TMEM123: variants seen among roughly 807,000 people sequenced by gnomAD.
TMEM123 encodes the protein porimin.
TMEM123 carries 16 observed loss-of-function variants against 19.7 expected under a neutral mutation model. That is an observed-to-expected ratio of 0.81 (90% confidence interval 0.55 to 1.23). The LOEUF is 1.23. Among genes scored for constraint, TMEM123 ranks in the 50% most tolerant of loss-of-function variants. The probability of loss-of-function intolerance (pLI) is 0.00; values close to 1 mark genes in which losing one functional copy is unlikely to be tolerated. For synonymous variants in TMEM123, 118 were observed against 99.4 expected (o/e 1.19, Z -1.12); for missense variants, 313 against 257.8 (o/e 1.21, Z -1.47).
rs1166142740 is a variant in TMEM123, at chr11:102,398,587, C to A, written c.*280G>T. On this transcript the variant is annotated 3_prime_UTR_variant, in exon 5 of 5. Coordinates refer to ENST00000398136, the MANE Select transcript of TMEM123 (RefSeq NM_052932.3). ...ACTGGTCATATGTGACCAATGCCCC[C>A]ACCCCAGCCAAAAAAAAAAAGATAG... 7 of 506,876 alleles carry A rather than the reference C, an allele frequency of 1.4e-5. No homozygotes were observed. The highest frequency in any genetic ancestry group is 4.1e-5 in the African/African-American group (2 of 49,278). The allele number at this position is 506,876 out of a possible 1,614,324, so 31.4% of individuals were successfully genotyped here.
chr11:102,443,764 A>C (rs1477209527), intron 2 of TMEM123, among the ~76,000 whole-genome samples: 1 of 152,218 alleles, frequency 6.6e-6, no homozygotes, highest in Non-Finnish European at 1.5e-5. Flanking sequence ...CAAGCAACCT[A>C]CAGAATGGGA....
intron 2 of TMEM123, among the ~76,000 whole-genome samples, chr11:102,417,064 C>G (rs914654207): frequency 2.0e-5 from 3 of 152,148 alleles, no homozygotes; most frequent in African/African-American, 7.2e-5. Flanking sequence ...TGGAAGCACT[C>G]CCTTTGAGAA....
Position 102,438,272 on chromosome 11 carries a change from G to A in TMEM123, c.157+10540C>T, listed in dbSNP as rs191455885. 1.9e-3 allele frequency among the ~76,000 whole-genome samples: 291 copies of A among 152,154 alleles called. 3 individuals carry two copies. Among genetic ancestry groups the A allele is most frequent in the Non-Finnish European group, 1.3e-3 (86 of 67,982 alleles). On this transcript the variant is annotated intron_variant, in intron 2 of 4. Coordinates refer to ENST00000398136, the MANE Select transcript of TMEM123 (RefSeq NM_052932.3). ...TTCACCATGTTGGCCAGGTGGTCTCGCATTCCTGACCTCAAGTGATCTGCT... is the reference window on the plus strand; with the variant it reads ...TTCACCATGTTGGCCAGGTGGTCTCACATTCCTGACCTCAAGTGATCTGCT...
intron 4 of TMEM123, among the ~76,000 whole-genome samples, chr11:102,400,533 A>T (rs996533908): frequency 6.6e-6 from 1 of 152,222 alleles, no homozygotes; most frequent in African/African-American, 2.4e-5. Context: ...CATCTGTTCT[A>T]TGGTATTTAT....
chr11:102,404,825 C>G (rs1951941737), intron 2 of TMEM123, among the ~76,000 whole-genome samples: 1 of 152,018 alleles, frequency 6.6e-6, no homozygotes, highest in Non-Finnish European at 1.5e-5. Context: ...GTCTTGAACT[C>G]CTGACCTCAG....
At chr11:102,399,736 A>G (rs898714422) in intron 4 of TMEM123, among the ~76,000 whole-genome samples, 6 of 152,124 alleles carry the variant, frequency 3.9e-5, no homozygotes, top group Non-Finnish European at 7.4e-5. Flanking sequence ...TTGGGAGGCC[A>G]AGGTGGGAGG....
At chr11:102,425,561 TG>T (rs1359105401) in intron 2 of TMEM123, among the ~76,000 whole-genome samples, 9 of 150,468 alleles carry the variant, frequency 6.0e-5, no homozygotes, top group African/African-American at 2.0e-4. Context: ...CCTCCAGGAT[TG>T]TTTTTTTTTT....
At chr11:102,413,092 T>A (rs975736891) in intron 2 of TMEM123, among the ~76,000 whole-genome samples, 5 of 152,164 alleles carry the variant, frequency 3.3e-5, no homozygotes, top group Admixed American at 3.3e-4. Context: ...AATGCATATA[T>A]TGGAAAGAAA....
intron 2 of TMEM123, chr11:102,448,333 ATCACAGGGTAAGGGCC>A: frequency 2.2e-6 from 1 of 455,272 alleles, no homozygotes; most frequent in Non-Finnish European, 4.4e-6. Flanking sequence ...CCAAACTAAA[ATCACAGGGTAAGGGCC>A]TCACCAAGTG....
At chr11:102,450,520 T>C (rs1044821607) in intron 1 of TMEM123, among the ~76,000 whole-genome samples, 2 of 152,224 alleles carry the variant, frequency 1.3e-5, no homozygotes, top group Non-Finnish European at 2.9e-5. Context: ...TGCAGCTGAC[T>C]GTGAAGAATA....
intron 2 of TMEM123, among the ~76,000 whole-genome samples, chr11:102,415,749 C>A (rs1296154627): frequency 2.6e-5 from 4 of 152,116 alleles, no homozygotes; most frequent in African/African-American, 9.7e-5. Context: ...AACAACCTAA[C>A]TTTACACCTA....
intron 2 of TMEM123, among the ~76,000 whole-genome samples, chr11:102,421,767 G>A (rs1367135663): frequency 1.3e-5 from 2 of 152,176 alleles, no homozygotes; most frequent in Non-Finnish European, 2.9e-5. Context: ...TCTGGGGAAG[G>A]AGGAAGCAAA....
intron 2 of TMEM123, among the ~76,000 whole-genome samples, chr11:102,434,723 A>C (rs181120789): frequency 2.6e-5 from 4 of 151,956 alleles, no homozygotes; most frequent in Admixed American, 2.6e-4. Flanking sequence ...ATTCATGTTA[A>C]ATCTTTAACT....
intron 1 of TMEM123, among the ~76,000 whole-genome samples, chr11:102,450,475 T>C (rs776402929): frequency 6.6e-6 from 1 of 152,142 alleles, no homozygotes; most frequent in Non-Finnish European, 1.5e-5. Context: ...TTGCTCATAG[T>C]CTCCCTCCTC....
intron 2 of TMEM123, among the ~76,000 whole-genome samples, chr11:102,423,460 T>C (rs940182178): frequency 2.0e-5 from 3 of 152,178 alleles, no homozygotes; most frequent in Non-Finnish European, 4.4e-5. Context: ...GGCAGCCCTA[T>C]GGGGAACCTC....
At chr11:102,419,913 T>C (rs1466448973) in intron 2 of TMEM123, among the ~76,000 whole-genome samples, 2 of 152,262 alleles carry the variant, frequency 1.3e-5, no homozygotes, top group East Asian at 3.8e-4. Flanking sequence ...CTCCCTTGTT[T>C]TAAGCCTTGA....
At chr11:102,428,781 A>G (rs1210673860) in intron 2 of TMEM123, among the ~76,000 whole-genome samples, 4 of 152,176 alleles carry the variant, frequency 2.6e-5, no homozygotes, top group Admixed American at 2.6e-4. Context: ...TTTTTGCTGC[A>G]GCTCATCAAG....
chr11:102,407,494 T>C (rs927094872), intron 2 of TMEM123, among the ~76,000 whole-genome samples: 2 of 152,194 alleles, frequency 1.3e-5, no homozygotes, highest in Admixed American at 1.3e-4. Context: ...AATTCATACT[T>C]TGAAGTCCTA....
rs1297358960 is a variant in TMEM123 at position 102,396,386 on chromosome 11, C to T, written c.*2481G>A. On this transcript the variant is annotated 3_prime_UTR_variant, in exon 5 of 5. Transcript: ENST00000398136. ...AATAGAACTTGGTAACAATGAAATA[C>T]CAAAAGCTGGTCATTATAATAAAAA... 6.6e-6 allele frequency: 1 copy of T among 151,966 alleles called. No homozygotes were observed. Among genetic ancestry groups the T allele is most frequent in the Non-Finnish European group, 1.5e-5 (1 of 67,992 alleles). The allele number at this position is 151,966 out of a possible 1,614,324, so 9.4% of individuals were successfully genotyped here. A position where few individuals can be genotyped will look rare whatever the true frequency, so the allele number is the denominator to read the frequency against.
Sources: allele counts gnomAD v4.1 joint callset (sites outside exome capture counted in the v4.1 genomes callset), GRCh38; gene constraint gnomAD v4.1.1; transcripts MANE v1.5; gene names NCBI Gene and HGNC (gene_info 2026-07-23, HGNC 2026-07-21).